Variants in OTOG observed in about 807,000 individuals in gnomAD.
The protein encoded by OTOG is otogelin.
Under a neutral mutation model 313.8 loss-of-function variants are expected in OTOG, and 296 were observed. That is an observed-to-expected ratio of 0.94 (90% CI 0.86 to 1.04). The LOEUF (loss-of-function observed/expected upper bound fraction) is 1.04, where lower values mean the gene tolerates loss of function less well. Among genes scored for constraint, OTOG ranks in the 50% least tolerant of loss-of-function variants. The pLI, the probability that OTOG is intolerant of heterozygous loss-of-function variation, is 0.00. For missense variants in OTOG, 3,948 were observed against 3,840.1 expected (o/e 1.03, Z -0.74); for synonymous variants, 1,533 against 1,554.9 (o/e 0.99, Z 0.33).
At chr11:17,599,487 C>T (rs1853192636) in intron 30 of OTOG, among the ~76,000 whole-genome samples, 184 bp from the exon 31 acceptor site, 1 of 152,200 alleles carries the variant, frequency 6.6e-6, no homozygotes, top group Non-Finnish European at 1.5e-5. Context: ...AGAGAGGAGC[C>T]ATTCTCTTTC....
At chr11:17,566,694 C>T (rs1342943536) in intron 15 of OTOG, among the ~76,000 whole-genome samples, 1 of 152,146 alleles carries the variant, frequency 6.6e-6, no homozygotes, top group Non-Finnish European at 1.5e-5. Context: ...ATGTATATTC[C>T]TATTATTAAC....
intron 24 of OTOG, among the ~76,000 whole-genome samples, chr11:17,588,007 A>T (rs1279392593): frequency 6.6e-6 from 1 of 152,112 alleles, no homozygotes; most frequent in Non-Finnish European, 1.5e-5. Context: ...CTGTGAGTGC[A>T]TTGTGCTCAG....
intron 46 of OTOG, 72 bp downstream of exon 46, chr11:17,635,259 G>C: frequency 7.9e-7 from 1 of 1,267,662 alleles, no homozygotes; most frequent in Non-Finnish European, 1.1e-6. Context: ...CTGTGTCCTT[G>C]GGCAGCTGGG....
chr11:17,597,521 A>T (rs1426534948), intron 30 of OTOG, among the ~76,000 whole-genome samples: 1 of 152,204 alleles, frequency 6.6e-6, no homozygotes, highest in Admixed American at 6.5e-5. Flanking sequence ...GGCAGCACAG[A>T]TGATCAGTTT....
At position 17,634,898 on chromosome 11, in the gene OTOG, G is replaced by A. The variant is rs114242958; in HGVS notation, c.7535G>A (p.Arg2512His). Residue 2512 changes from arginine to histidine, a missense_variant, in exon 45 of 56, where the codon CGC becomes CAC. Transcript: ENST00000399397. ...GCCCCCACATGCCGCCCAGGCCACC[G>A]CCTCCTCACCCACTTCCAGGAGGAC... ...GLAPTCRPGH[R>H]LLTHFQEDSC... 8,656 of 1,428,630 alleles carry A rather than the reference G, an allele frequency of 6.1e-3. 422 individuals are homozygous for A. In the African/African-American group the frequency reaches 0.11, roughly 18 times the overall value. 88.5% of individuals were successfully genotyped at this position (1,428,630 alleles called of 1,614,324 possible).
intron 15 of OTOG, among the ~76,000 whole-genome samples, chr11:17,566,031 G>C (rs1048368956): frequency 6.6e-6 from 1 of 152,124 alleles, no homozygotes; most frequent in Non-Finnish European, 1.5e-5. Flanking sequence ...TGCTACTGGG[G>C]TATGACTTCC....
intron 10 of OTOG, 42 bp downstream of exon 10, chr11:17,558,686 TG>T: frequency 6.6e-7 from 1 of 1,518,912 alleles, no homozygotes; most frequent in Non-Finnish European, 8.9e-7. Flanking sequence ...CCTCTAGTAT[TG>T]GGGTGAGTGC....
At chr11:17,560,978 C>A in intron 13 of OTOG, 113 bp from the exon 14 acceptor site, 1 of 1,321,144 alleles carries the variant, frequency 7.6e-7, no homozygotes, top group South Asian at 1.3e-5. Flanking sequence ...GGGGAAATCT[C>A]TACCACCCAT....
At chr11:17,628,042 AT>A (rs1158282705) in intron 39 of OTOG, among the ~76,000 whole-genome samples, 9 of 151,078 alleles carry the variant, frequency 6.0e-5, no homozygotes, top group Non-Finnish European at 8.9e-5. Flanking sequence ...GATCTTTTGT[AT>A]TTTTTTATTT....
At chr11:17,555,670 G>T (rs1852040447) in intron 6 of OTOG, 109 bp from the exon 7 acceptor site, 3 of 790,408 alleles carry the variant, frequency 3.8e-6, no homozygotes, top group Non-Finnish European at 6.2e-6. Context: ...AAAGGCAGTT[G>T]GTATGCAGGG....
chr11:17,644,347 C>A (rs1388484148), intron 54 of OTOG, among the ~76,000 whole-genome samples: 1 of 152,248 alleles, frequency 6.6e-6, no homozygotes, highest in Non-Finnish European at 1.5e-5. Context: ...TAGCTATGGC[C>A]AGAAGCCATC....
intron 47 of OTOG, among the ~76,000 whole-genome samples, chr11:17,638,145 C>A (rs1854307411): frequency 6.6e-6 from 1 of 152,226 alleles, no homozygotes; most frequent in Admixed American, 6.5e-5. Context: ...GCAGACCTTA[C>A]CCTAATGGCT....
chr11:17,611,880 G>A (rs1853559590), intron 36 of OTOG, among the ~76,000 whole-genome samples: 1 of 152,118 alleles, frequency 6.6e-6, no homozygotes, highest in Non-Finnish European at 1.5e-5. Flanking sequence ...TTCTGTGAGT[G>A]TGAGCTAGTG....
chr11:17,592,612 T>C (rs1269498560), intron 25 of OTOG, among the ~76,000 whole-genome samples: 1 of 152,180 alleles, frequency 6.6e-6, no homozygotes, highest in East Asian at 1.9e-4. Context: ...TTTTTTTACT[T>C]AAGAGGATAC....
rs1264378341 is a variant in OTOG at position 17,611,109 on chromosome 11, G to A, written c.5809G>A (p.Ala1937Thr). Reference protein sequence around the residue: ...AEGGPTELTPATSHPLTPLVA... With the variant: ...AEGGPTELTPTTSHPLTPLVA... ...GGGTGGGCCCACAGAGCTCACGCCT[G>A]CTACGAGCCACCCTCTCACGCCCTT... is the stretch of plus-strand genomic sequence containing the variant. Residue 1937 changes from alanine (A) to threonine (T), a missense_variant, in exon 36 of 56, where the codon GCT (alanine) becomes ACT (threonine). Physicochemically the swap from Ala to Thr is moderately conservative, Grantham distance 58 (BLOSUM62 0). Transcript: ENST00000399397. The A allele has an allele frequency of 4.5e-6, 7 of 1,550,374 alleles. No individual in the cohort carries two copies. The South Asian group carries it at 4.8e-5, about 11-fold the overall frequency.
At chr11:17,548,416 C>CTTTTTTTTTTTTTTTTT (rs1565085438) in intron 3 of OTOG, among the ~76,000 whole-genome samples, 1 of 89,600 alleles carries the variant, frequency 1.1e-5, no homozygotes, top group Non-Finnish European at 2.1e-5. Flanking sequence ...CTATAGTCCA[C>CTTTTTTTTTTTTTTTTT]TCTTTTTTTT....
chr11:17,558,765 T>A, intron 10 of OTOG, 121 bp downstream of exon 10: 1 of 1,097,548 alleles, frequency 9.1e-7, no homozygotes, highest in African/African-American at 1.6e-5. Flanking sequence ...GGCTCTGAAA[T>A]TCTTATCTGC....
chr11:17,617,931 G>C (rs1237393303), intron 39 of OTOG, among the ~76,000 whole-genome samples: 1 of 119,320 alleles, frequency 8.4e-6, no homozygotes, highest in Non-Finnish European at 1.7e-5. Flanking sequence ...TTTTTTTTTT[G>C]AGACAGAGTC....
intron 3 of OTOG, 54 bp downstream of exon 3, chr11:17,548,266 G>T: frequency 2.7e-6 from 4 of 1,456,048 alleles, no homozygotes; most frequent in Non-Finnish European, 3.7e-6. Context: ...TGTCTATCTG[G>T]ATCTGAGGCT....
Sources: gnomAD v4.1 joint callset for allele counts (sites outside exome capture counted in the v4.1 genomes callset) on GRCh38, gnomAD v4.1.1 for gene constraint, MANE v1.5 for transcripts, NCBI Gene and HGNC (gene_info 2026-07-23, HGNC 2026-07-21) for gene names.